NFATC1: variants seen among roughly 807,000 people sequenced by gnomAD.
NFATC1 encodes the protein nuclear factor of activated T-cells, cytoplasmic 1.
NFATC1 carries 22 observed loss-of-function variants against 76.0 expected under a neutral mutation model. The ratio of observed to expected loss-of-function variants is 0.29; its 90% CI spans 0.21 to 0.41. The LOEUF (loss-of-function observed/expected upper bound fraction) is 0.41. Ranked by LOEUF, NFATC1 falls within the 10% of genes least tolerant of loss-of-function variation. The probability of loss-of-function intolerance (pLI) is 1.00; values close to 1 mark genes in which losing one functional copy is unlikely to be tolerated. For missense variants in NFATC1, 1,357 were observed against 1,337.7 expected (o/e 1.01, Z -0.23); for synonymous variants, 704 against 613.1 (o/e 1.15, Z -2.19).
intron 1 of NFATC1, among the ~76,000 whole-genome samples, chr18:79,401,088 TAAAC>T (rs1295273856): frequency 3.4e-5 from 5 of 148,384 alleles, no homozygotes; most frequent in South Asian, 2.2e-4. Flanking sequence ...GGGTTTCAGG[TAAAC>T]AAACCACAAA....
At chr18:79,409,324 CCATT>C (rs1206080956) in intron 1 of NFATC1, among the ~76,000 whole-genome samples, 4 of 110,562 alleles carry the variant, frequency 3.6e-5, no homozygotes, top group Admixed American at 2.2e-4. Context: ...CATTCCCTAT[CCATT>C]CATTCATCCA....
chr18:79,404,532 C>A (rs1426415261), intron 1 of NFATC1, among the ~76,000 whole-genome samples: 1 of 152,246 alleles, frequency 6.6e-6, no homozygotes, highest in Non-Finnish European at 1.5e-5. Context: ...CTGGCCTCAC[C>A]CACAGCAGAC....
chr18:79,466,208 T>C (rs1391254085), intron 7 of NFATC1, among the ~76,000 whole-genome samples: 1 of 152,256 alleles, frequency 6.6e-6, no homozygotes, highest in Non-Finnish European at 1.5e-5. Context: ...TTTAACACTC[T>C]TAAGATTTCA....
At chr18:79,519,921 G>A (rs79426764) in intron 9 of NFATC1, among the ~76,000 whole-genome samples, 7,254 of 152,240 alleles carry the variant, frequency 0.048, 195 homozygotes, top group Middle Eastern at 0.082. Context: ...TGCTGGAGTC[G>A]GAAGTAGGAC....
intron 1 of NFATC1, among the ~76,000 whole-genome samples, chr18:79,409,559 C>A (rs910143598): frequency 6.6e-6 from 1 of 152,168 alleles, no homozygotes; most frequent in Non-Finnish European, 1.5e-5. Context: ...CACCCATAAT[C>A]CATCTCTTTA....
At chr18:79,455,119 G>A (rs1462837657) in intron 6 of NFATC1, among the ~76,000 whole-genome samples, 1 of 152,258 alleles carries the variant, frequency 6.6e-6, no homozygotes, top group South Asian at 2.1e-4. Context: ...TCAAACATGA[G>A]CCAGTTCTCG....
At chr18:79,461,096 C>T in intron 6 of NFATC1, among the ~76,000 whole-genome samples, 1 of 152,246 alleles carries the variant, frequency 6.6e-6, no homozygotes, top group Middle Eastern at 3.2e-3. Context: ...TCTCCAGGCT[C>T]CCAGGGCAAC....
chr18:79,430,108 A>C (rs1009632721), intron 2 of NFATC1, among the ~76,000 whole-genome samples: 3 of 152,204 alleles, frequency 2.0e-5, no homozygotes, highest in African/African-American at 7.2e-5. Context: ...ACGACGACAA[A>C]ATGGCCTAAG....
chr18:79,418,569 G>A (rs1373853226), intron 2 of NFATC1, among the ~76,000 whole-genome samples: 1 of 152,210 alleles, frequency 6.6e-6, no homozygotes, highest in African/African-American at 2.4e-5. Flanking sequence ...GGGGCTTTAC[G>A]CAGCCTGTGG....
chr18:79,476,515 C>G (rs960826879), intron 8 of NFATC1, among the ~76,000 whole-genome samples: 1 of 152,246 alleles, frequency 6.6e-6, no homozygotes, highest in African/African-American at 2.4e-5. Context: ...GCCTGAGGCC[C>G]CACTTGCGCT....
intron 8 of NFATC1, among the ~76,000 whole-genome samples, chr18:79,472,188 G>A (rs574881259): frequency 2.0e-5 from 3 of 152,226 alleles, no homozygotes; most frequent in South Asian, 4.1e-4. Flanking sequence ...TGAGGTCCCC[G>A]TGCACAGATC....
intron 4 of NFATC1, among the ~76,000 whole-genome samples, 181 bp downstream of exon 4, chr18:79,449,165 C>T (rs1402886734): frequency 6.6e-6 from 1 of 152,250 alleles, no homozygotes; most frequent in Admixed American, 6.5e-5. Context: ...TTGCTTCTCT[C>T]TAGGGTTTCA....
At chr18:79,506,083 G>A (rs1392780921) in intron 9 of NFATC1, among the ~76,000 whole-genome samples, 5 of 152,168 alleles carry the variant, frequency 3.3e-5, no homozygotes, top group African/African-American at 1.2e-4. Context: ...GTTTAGGGAG[G>A]GGCTGGGAGA....
Position 79,396,167 on chromosome 18 carries a change from G to T in NFATC1, c.-58G>T. 1 of 1,392,198 alleles carries T rather than the reference G, an allele frequency of 7.2e-7. No individual in the cohort carries two copies. 86.2% of individuals were successfully genotyped at this position (1,392,198 alleles called of 1,614,324 possible). ...CGGAGACCCGACCCCGGCAGCGCGG[G>T]GCGGCCGCTTCTCCTGTGCCTCCGC... On this transcript the variant is annotated 5_prime_UTR_variant, in exon 1 of 10. Transcript: ENST00000427363.
intron 1 of NFATC1, among the ~76,000 whole-genome samples, chr18:79,406,739 C>T (rs750610284): frequency 3.3e-5 from 5 of 152,188 alleles, no homozygotes; most frequent in South Asian, 2.1e-4. Flanking sequence ...CCCCAGGAGC[C>T]GCAGGCCTGC....
At chr18:79,447,408 G>A (rs1476754087) in intron 3 of NFATC1, among the ~76,000 whole-genome samples, 1 of 152,252 alleles carries the variant, frequency 6.6e-6, no homozygotes, top group Non-Finnish European at 1.5e-5. Flanking sequence ...CCTGGACTCT[G>A]CACGTGGTCA....
At chr18:79,489,794 A>G (rs1187404310) in intron 9 of NFATC1, among the ~76,000 whole-genome samples, 1 of 152,174 alleles carries the variant, frequency 6.6e-6, no homozygotes, top group Non-Finnish European at 1.5e-5. Flanking sequence ...AGCCCTGCAC[A>G]CTGTTCTGGT....
chr18:79,450,018 G>T (rs112055259), intron 4 of NFATC1, among the ~76,000 whole-genome samples: 2 of 152,294 alleles, frequency 1.3e-5, no homozygotes, highest in South Asian at 4.1e-4. Flanking sequence ...CAAGTTTCCC[G>T]CAGACAGGGC....
In NFATC1 at chr18:79,441,301, T is replaced by C. The variant is rs114742715; in HGVS notation, c.1387-7481T>C. On this transcript the variant is annotated intron_variant, in intron 3 of 9. Coordinates refer to ENST00000427363, the MANE Select transcript of NFATC1 (RefSeq NM_001278669.2). ...CAGGATTCCTCGGGCCCTTCACCCC[T>C]GTGTGTCTGGACTGGGTATCGCTGT... is the stretch of plus-strand genomic sequence containing the variant. Among the ~76,000 whole-genome samples the C allele has an allele frequency of 4.4e-3, 668 of 152,154 alleles. 5 individuals carry two copies. Among genetic ancestry groups the C allele is most frequent in the African/African-American group, 0.015 (629 of 41,524 alleles).
Sources: allele counts gnomAD v4.1 joint callset (sites outside exome capture counted in the v4.1 genomes callset), GRCh38; gene constraint gnomAD v4.1.1; transcripts MANE v1.5; gene names NCBI Gene and HGNC (gene_info 2026-07-23, HGNC 2026-07-21).